The following BMP8B variants were observed in gnomAD, a reference collection of about 807,000 sequenced individuals.
The protein encoded by BMP8B is bone morphogenetic protein 8b, also known as bone morphogenetic protein 8 (osteogenic protein 2).
Under a neutral mutation model 30.3 loss-of-function variants are expected in BMP8B, and 17 were observed. That is an observed-to-expected ratio of 0.56 (90% CI 0.38 to 0.84). The LOEUF (loss-of-function observed/expected upper bound fraction) is 0.84, where lower values mean the gene tolerates loss of function less well. Among genes scored for constraint, BMP8B ranks in the 40% least tolerant of loss-of-function variants. BMP8B has a pLI of 0.00. For synonymous variants in BMP8B, 131 were observed against 214.7 expected (o/e 0.61, Z 3.41); for missense variants, 253 against 494.6 (o/e 0.51, Z 4.63).
intron 4 of BMP8B, among the ~76,000 whole-genome samples, chr1:39,764,291 C>T (rs563486035): frequency 3.7e-3 from 550 of 150,628 alleles, no homozygotes; most frequent in Non-Finnish European, 4.8e-3. Context: ...CCGAGGATCC[C>T]ACAGGGTGCC....
intron 1 of BMP8B, among the ~76,000 whole-genome samples, chr1:39,786,952 C>T (rs1413303423): frequency 6.6e-6 from 1 of 152,222 alleles, no homozygotes; most frequent in Non-Finnish European, 1.5e-5. Flanking sequence ...GCGGCTCAGT[C>T]CCCTGTTTTC....
chr1:39,760,183 A>C lies in BMP8B; in HGVS notation c.*236T>G, dbSNP rs1648741955. The C allele has an allele frequency of 1.4e-6, 1 of 701,056 alleles. No homozygotes were observed. 43.4% of individuals were successfully genotyped at this position (701,056 alleles called of 1,614,324 possible). A position where few individuals can be genotyped will look rare whatever the true frequency, so the allele number is the denominator to read the frequency against. On this transcript the variant is annotated 3_prime_UTR_variant, in exon 7 of 7. Transcript: ENST00000372827. The stretch of plus-strand genomic sequence containing the variant: ...GGAGAGGCGTTTGCATTTGGGTAGA[A>C]CACTGCCTGATGATTGAGACCACCT...
intron 1 of BMP8B, among the ~76,000 whole-genome samples, chr1:39,779,257 G>C (rs1052451126): frequency 6.6e-6 from 1 of 152,148 alleles, no homozygotes; most frequent in Non-Finnish European, 1.5e-5. Context: ...ACCCATTGTC[G>C]GCCCGCACAC....
At chr1:39,768,404 C>T (rs1249335661) in intron 3 of BMP8B, among the ~76,000 whole-genome samples, 6 of 137,426 alleles carry the variant, frequency 4.4e-5, no homozygotes, top group Middle Eastern at 3.5e-3. Flanking sequence ...TCCCATCACC[C>T]GGTCCCTTCC....
chr1:39,761,421 A>ACCACCC (rs1648956933), intron 6 of BMP8B: 1 of 133,094 alleles, frequency 7.5e-6, no homozygotes, highest in Non-Finnish European at 1.6e-5. Flanking sequence ...ACCTTCCACC[A>ACCACCC]CCACCCCCAC....
intron 1 of BMP8B, among the ~76,000 whole-genome samples, chr1:39,776,579 G>C (rs1287386023): frequency 6.6e-6 from 1 of 152,114 alleles, no homozygotes; most frequent in African/African-American, 2.4e-5. Flanking sequence ...ACAGCTGTGC[G>C]GGGCAGGGGA....
At chr1:39,775,466 A>G (rs2991272) in intron 1 of BMP8B, among the ~76,000 whole-genome samples, 55,630 of 151,998 alleles carry the variant, frequency 0.37, 11,873 homozygotes, top group African/African-American at 0.6. Context: ...GGTAGACAGG[A>G]ACATAACCGA....
intron 1 of BMP8B, among the ~76,000 whole-genome samples, chr1:39,776,084 T>C (rs1342614442): frequency 3.3e-5 from 5 of 152,176 alleles, no homozygotes; most frequent in African/African-American, 9.7e-5. Context: ...CTCTGGCCAG[T>C]GGGAAGCACA....
intron 1 of BMP8B, among the ~76,000 whole-genome samples, chr1:39,775,398 A>G (rs1324194053): frequency 1.3e-5 from 2 of 152,156 alleles, no homozygotes; most frequent in Non-Finnish European, 2.9e-5. Flanking sequence ...TCCAGGCTAA[A>G]GGGAAGATGG....
At chr1:39,776,397 G>A (rs1810966) in intron 1 of BMP8B, among the ~76,000 whole-genome samples, 9,209 of 152,246 alleles carry the variant, frequency 0.06, 909 homozygotes, top group African/African-American at 0.21. Context: ...CCAAAACCCA[G>A]CACTGAGATT....
At position 39,788,646 on chromosome 1, in the gene BMP8B, C is replaced by G. The variant is rs1255022384; in HGVS notation, c.-161G>C. ...GCGGCGACCGCGGCCTCAGCGCGGT[C>G]CCTGGAGCGCCCGCCGCGCGACACC... On this transcript the variant is annotated 5_prime_UTR_variant, in exon 1 of 7. Coordinates refer to ENST00000372827, the MANE Select transcript of BMP8B (RefSeq NM_001720.5). The surrounding 1 kb of genome is among the most constrained non-coding windows in gnomAD (Gnocchi z 5.8). 1.7e-6 allele frequency: 1 copy of G among 585,146 alleles called. No individual in the cohort carries two copies. Among genetic ancestry groups the G allele is most frequent in the African/African-American group, 2.0e-5 (1 of 49,354 alleles). 36.2% of individuals were successfully genotyped at this position (585,146 alleles called of 1,614,324 possible).
intron 1 of BMP8B, among the ~76,000 whole-genome samples, chr1:39,781,813 C>A (rs182727452): frequency 6.6e-6 from 1 of 152,156 alleles, no homozygotes; most frequent in Non-Finnish European, 1.5e-5. Flanking sequence ...GGTGGGTGTC[C>A]CCAGGGATGG....
chr1:39,766,012 C>T (rs783813), intron 3 of BMP8B, among the ~76,000 whole-genome samples: 5 of 150,440 alleles, frequency 3.3e-5, no homozygotes, highest in Admixed American at 6.6e-5. Context: ...TCCAGCTGGG[C>T]GACAGAATGA....
intron 6 of BMP8B, 107 bp from the exon 7 acceptor site, chr1:39,760,675 G>A (rs1648835487): frequency 8.0e-6 from 11 of 1,371,410 alleles, no homozygotes; most frequent in Non-Finnish European, 8.8e-6. Flanking sequence ...GCCATCTCCA[G>A]GCCACATGGG....
At position 39,763,463 on chromosome 1, in the gene BMP8B, C is replaced by A. The variant is rs1360354005; in HGVS notation, c.948+249G>T. On this transcript the variant is annotated intron_variant, in intron 5 of 6. Coordinates refer to ENST00000372827, the MANE Select transcript of BMP8B (RefSeq NM_001720.5). ...GCCAATGCAGGGAGGTCTCAGTTACCCTGCAGCAATGCTGACAGCTTAGTT... is the reference window on the plus strand; with the variant it reads ...GCCAATGCAGGGAGGTCTCAGTTACACTGCAGCAATGCTGACAGCTTAGTT... Among the ~76,000 whole-genome samples the A allele has an allele frequency of 2.8e-5, 4 of 142,836 alleles. 1 individual carries two copies. Among genetic ancestry groups the A allele is most frequent in the Non-Finnish European group, 4.7e-5 (3 of 64,498 alleles). 93.7% of individuals were successfully genotyped at this position (142,836 alleles called of 152,430 possible).
Position 39,763,936 on chromosome 1 carries a change from C to T in BMP8B, c.869-145G>A, listed in dbSNP as rs575697920. On this transcript the variant is annotated intron_variant, in intron 4 of 6. Coordinates refer to ENST00000372827, the MANE Select transcript of BMP8B (RefSeq NM_001720.5). ...ACCATTTGGTCTCATAAAGCCCATC[C>T]CTGGAACTCTGCTTGTACCATGACC... 2.8e-5 allele frequency: 30 copies of T among 1,087,966 alleles called. 1 individual carries two copies. In the South Asian group the frequency reaches 4.8e-4, roughly 18 times the overall value. The allele number at this position is 1,087,966 out of a possible 1,614,324, so 67.4% of individuals were successfully genotyped here. A position where few individuals can be genotyped will look rare whatever the true frequency, so the allele number is the denominator to read the frequency against.
At chr1:39,777,721 T>C (rs1385334487) in intron 1 of BMP8B, among the ~76,000 whole-genome samples, 1 of 152,238 alleles carries the variant, frequency 6.6e-6, no homozygotes, top group Non-Finnish European at 1.5e-5. Context: ...CAGAATCTTG[T>C]GGCCTGTGAC....
intron 1 of BMP8B, among the ~76,000 whole-genome samples, chr1:39,786,096 A>G (rs1371702754): frequency 4.6e-5 from 7 of 152,172 alleles, no homozygotes; most frequent in South Asian, 4.1e-4. Context: ...TGGGCTGGCT[A>G]TTTAACCTCT....
At chr1:39,783,616 G>T (rs962591724) in intron 1 of BMP8B, among the ~76,000 whole-genome samples, 2 of 152,164 alleles carry the variant, frequency 1.3e-5, no homozygotes, top group African/African-American at 2.4e-5. Flanking sequence ...AAAAAAGAAA[G>T]AAAAGAAAAC....
Sources: allele counts gnomAD v4.1 joint callset (sites outside exome capture counted in the v4.1 genomes callset), GRCh38; gene constraint gnomAD v4.1.1; non-coding constraint Gnocchi (gnomAD v3.1); transcripts MANE v1.5; gene names NCBI Gene and HGNC (gene_info 2026-07-23, HGNC 2026-07-21).